SFMBT1: variants seen among roughly 807,000 people sequenced by gnomAD.
SFMBT1 encodes the protein scm-like with four MBT domains protein 1.
In SFMBT1, 32 loss-of-function variants were observed where a neutral mutation model predicts 108.7. The observed-to-expected ratio is 0.29, with a 90% CI of 0.22 to 0.40. SFMBT1 has a LOEUF of 0.40. Among genes scored for constraint, SFMBT1 ranks in the 10% least tolerant of loss-of-function variants. The pLI, the probability that SFMBT1 is intolerant of heterozygous loss-of-function variation, is 1.00. For synonymous variants in SFMBT1, 348 were observed against 369.5 expected, an observed-to-expected ratio of 0.94 and a Z score of 0.67; for missense variants, 816 against 1,059.6, an observed-to-expected ratio of 0.77 and a Z score of 3.19.
chr3:52,954,353 T>G lies in SFMBT1; in HGVS notation c.87A>C (p.Thr29=). 1 of 1,613,910 alleles carries G rather than the reference T, an allele frequency of 6.2e-7. No individual in the cohort carries two copies. Among genetic ancestry groups the G allele is most frequent in the South Asian group, 1.1e-5 (1 of 91,064 alleles). The change falls in exon 3 of 21, where the codon ACA becomes ACC. Residue 29 remains threonine, a synonymous_variant. Transcript: ENST00000394752. The stretch of plus-strand genomic sequence containing the variant: ...ACCCATAGGGAACTGCTGTGGACCC[T>G]GTTTCTTCTAGATAATCTTCCCAGC... The part of the protein sequence containing the change: ...ELSWEDYLEE[T]GSTAVPYGSF...
At chr3:53,016,194 C>T (rs1456854034) in intron 1 of SFMBT1, among the ~76,000 whole-genome samples, 2 of 151,812 alleles carry the variant, frequency 1.3e-5, no homozygotes, top group Non-Finnish European at 2.9e-5. Context: ...TAAGCTTACA[C>T]CTCTAACTCC....
At chr3:52,914,659 G>A (rs1266151425) in intron 14 of SFMBT1, among the ~76,000 whole-genome samples, 3 of 152,180 alleles carry the variant, frequency 2.0e-5, no homozygotes, top group Non-Finnish European at 4.4e-5. Context: ...TAGGAGGACA[G>A]CTTGAGCCCA....
At chr3:52,935,944 G>A (rs1232953521) in intron 4 of SFMBT1, among the ~76,000 whole-genome samples, 1 of 152,020 alleles carries the variant, frequency 6.6e-6, no homozygotes, top group African/African-American at 2.4e-5. Flanking sequence ...ACGTCCCTGT[G>A]GTGACCAGTT....
intron 1 of SFMBT1, among the ~76,000 whole-genome samples, chr3:53,030,683 CAAAAAAAAAAA>C (rs10668462): frequency 3.6e-5 from 3 of 82,758 alleles, no homozygotes; most frequent in African/African-American, 7.8e-5. Flanking sequence ...GGCCATAATG[CAAAAAAAAAAA>C]AAAAAAAAAA....
chr3:53,003,227 T>G (rs753278177), intron 1 of SFMBT1, among the ~76,000 whole-genome samples: 1 of 149,712 alleles, frequency 6.7e-6, no homozygotes, highest in Non-Finnish European at 1.5e-5. Flanking sequence ...CTATATGTTC[T>G]GCATCAAGCT....
intron 2 of SFMBT1, among the ~76,000 whole-genome samples, chr3:52,963,590 A>G (rs574486064): frequency 6.6e-6 from 1 of 152,022 alleles, no homozygotes; most frequent in African/African-American, 2.4e-5. Context: ...CTGGGACTAC[A>G]GGTACATGCC....
intron 19 of SFMBT1, among the ~76,000 whole-genome samples, 194 bp downstream of exon 19, chr3:52,906,875 A>G (rs1396636300): frequency 2.0e-5 from 3 of 152,152 alleles, no homozygotes; most frequent in East Asian, 1.9e-4. Flanking sequence ...CTTTCCCCCT[A>G]TAAGTAGATG....
intron 1 of SFMBT1, among the ~76,000 whole-genome samples, chr3:52,981,119 G>A (rs1704695369): frequency 6.7e-6 from 1 of 149,838 alleles, no homozygotes; most frequent in Non-Finnish European, 1.5e-5. Context: ...CCAAGATCAT[G>A]CCACTGCACT....
At chr3:52,936,503 A>G (rs535922669) in intron 4 of SFMBT1, among the ~76,000 whole-genome samples, 2 of 152,330 alleles carry the variant, frequency 1.3e-5, no homozygotes, top group African/African-American at 4.8e-5. Flanking sequence ...CTCTATCTTC[A>G]ACCAGAGGCA....
At chr3:53,045,178 A>T (rs1343752360) in intron 1 of SFMBT1, 1 of 149,772 alleles carries the variant, frequency 6.7e-6, no homozygotes, top group African/African-American at 2.5e-5. Flanking sequence ...GGCGCGGGAG[A>T]GGCCCGCTCA....
chr3:52,950,686 C>T (rs570716797), intron 3 of SFMBT1, among the ~76,000 whole-genome samples: 2 of 152,194 alleles, frequency 1.3e-5, no homozygotes, highest in South Asian at 4.1e-4. Flanking sequence ...GTCGGCCAGG[C>T]TGGTCTTGAA....
In SFMBT1 at chr3:52,962,808, C is replaced by CAAAAAAA. The variant is rs369325114; in HGVS notation, c.28+6286_28+6292dup. Among the ~76,000 whole-genome samples the CAAAAAAA allele has an allele frequency of 9.1e-3, 919 of 101,340 alleles. 36 individuals are homozygous for CAAAAAAA. The highest frequency in any genetic ancestry group is 0.035 in the African/African-American group (869 of 24,664). The allele number at this position is 101,340 out of a possible 152,430, so 66.5% of individuals were successfully genotyped here. A position where few individuals can be genotyped will look rare whatever the true frequency, so the allele number is the denominator to read the frequency against. ...GGTGACAGAGCAAGGCTCCCTGTCTCAAAAAAAAAAAAAAAAGGAGAGGGA... is the reference window on the plus strand; with the variant it reads ...GGTGACAGAGCAAGGCTCCCTGTCTCAAAAAAAAAAAAAAAAAAAAAAAGGAGAGGGA... On this transcript the variant is annotated intron_variant, in intron 2 of 20. Transcript: ENST00000394752.
chr3:52,929,654 T>C (rs1282864375), intron 8 of SFMBT1, among the ~76,000 whole-genome samples: 1 of 152,202 alleles, frequency 6.6e-6, no homozygotes, highest in Non-Finnish European at 1.5e-5. Context: ...TTGAGAATAA[T>C]CTTCTTCCAA....
intron 17 of SFMBT1, 106 bp from the exon 18 acceptor site, chr3:52,907,839 G>A (rs1382916151): frequency 1.9e-6 from 2 of 1,046,728 alleles, no homozygotes; most frequent in Admixed American, 5.6e-5. Context: ...CATTGTATTT[G>A]ATTGGGGTTT....
intron 1 of SFMBT1, among the ~76,000 whole-genome samples, chr3:52,978,396 A>C (rs1704593740): frequency 6.6e-6 from 1 of 152,130 alleles, no homozygotes; most frequent in South Asian, 2.1e-4. Context: ...GGTCAACTTC[A>C]CACTGCCTGC....
At position 52,993,421 on chromosome 3, in the gene SFMBT1, T is replaced by C. The variant is rs763471908; in HGVS notation, c.-130-24163A>G. ...TAGCTGTTCTGCTATACTGTTTAAATGCCTGCTATATTCGCAGCAGTTACT... is the reference window on the plus strand; with the variant it reads ...TAGCTGTTCTGCTATACTGTTTAAACGCCTGCTATATTCGCAGCAGTTACT... On this transcript the variant is annotated intron_variant, in intron 1 of 20. Coordinates refer to ENST00000394752, the MANE Select transcript of SFMBT1 (RefSeq NM_016329.4). 1.6e-4 allele frequency among the ~76,000 whole-genome samples: 24 copies of C among 150,428 alleles called. 2 individuals carry two copies. Among genetic ancestry groups the C allele is most frequent in the Non-Finnish European group, 3.3e-4 (22 of 67,170 alleles).
intron 1 of SFMBT1, 35 bp downstream of exon 1, chr3:53,045,781 G>C (rs1700218627): frequency 6.6e-6 from 1 of 150,662 alleles, no homozygotes; most frequent in Admixed American, 6.6e-5. Flanking sequence ...AGGCCGCCGC[G>C]CGGGAAGGCC....
intron 6 of SFMBT1, among the ~76,000 whole-genome samples, 181 bp from the exon 7 acceptor site, chr3:52,931,216 T>G (rs772472039): frequency 4.6e-5 from 7 of 152,224 alleles, no homozygotes; most frequent in Non-Finnish European, 8.8e-5. Flanking sequence ...CTTTGCTCTA[T>G]GCAGAGCCTG....
At chr3:53,029,631 ACAAAAG>A (rs1699613798) in intron 1 of SFMBT1, among the ~76,000 whole-genome samples, 1 of 152,274 alleles carries the variant, frequency 6.6e-6, no homozygotes, top group Non-Finnish European at 1.5e-5. Context: ...AAACGAAAAT[ACAAAAG>A]CAAAGTATCT....
Sources: allele counts gnomAD v4.1 joint callset (sites outside exome capture counted in the v4.1 genomes callset), GRCh38; gene constraint gnomAD v4.1.1; transcripts MANE v1.5; gene names NCBI Gene and HGNC (gene_info 2026-07-23, HGNC 2026-07-21).